The following LHPP variants were observed in gnomAD, a reference collection of about 807,000 sequenced individuals.
LHPP encodes the protein phospholysine phosphohistidine inorganic pyrophosphate phosphatase.
A neutral mutation model predicts 30.3 loss-of-function variants in LHPP; 24 were observed. The observed-to-expected ratio is 0.79, with a 90% confidence interval of 0.57 to 1.11. The LOEUF (loss-of-function observed/expected upper bound fraction) is 1.11. Ranked by LOEUF, LHPP falls within the 50% of genes most tolerant of loss-of-function variation. The pLI, the probability that LHPP is intolerant of heterozygous loss-of-function variation, is 0.00. For synonymous variants in LHPP, 150 were observed against 157.1 expected, an observed-to-expected ratio of 0.95 and a Z score of 0.34; for missense variants, 356 against 367.2, an observed-to-expected ratio of 0.97 and a Z score of 0.25.
intron 5 of LHPP, among the ~76,000 whole-genome samples, chr10:124,500,696 G>A (rs990582961): frequency 1.3e-5 from 2 of 151,304 alleles, no homozygotes; most frequent in Non-Finnish European, 2.9e-5. Context: ...ACTCCAGTGA[G>A]ATACCACTTC....
intron 1 of LHPP, among the ~76,000 whole-genome samples, chr10:124,464,039 G>A (rs541177753): frequency 6.6e-6 from 1 of 152,190 alleles, no homozygotes; most frequent in African/African-American, 2.4e-5. Flanking sequence ...GGCCGGTCTT[G>A]AACTCCTGGG....
At chr10:124,548,293 G>A (rs753430382) in intron 6 of LHPP, among the ~76,000 whole-genome samples, 4 of 152,070 alleles carry the variant, frequency 2.6e-5, no homozygotes, top group Non-Finnish European at 5.9e-5. Context: ...TCACCTTCAG[G>A]CTCCCGCATG....
At chr10:124,577,576 C>T (rs1432039483) in intron 6 of LHPP, among the ~76,000 whole-genome samples, 2 of 135,360 alleles carry the variant, frequency 1.5e-5, no homozygotes, top group Non-Finnish European at 3.3e-5. Flanking sequence ...AGGCCTGGCC[C>T]TGCCTTCCTC....
At chr10:124,526,898 G>T (rs755112959) in intron 6 of LHPP, among the ~76,000 whole-genome samples, 2 of 152,244 alleles carry the variant, frequency 1.3e-5, no homozygotes, top group Non-Finnish European at 2.9e-5. Context: ...TGGCCAGGCC[G>T]CAGCAAGCAG....
At chr10:124,565,353 G>A (rs185985825) in intron 6 of LHPP, among the ~76,000 whole-genome samples, 2 of 152,234 alleles carry the variant, frequency 1.3e-5, no homozygotes, top group African/African-American at 2.4e-5. Context: ...ACTGAGGGTC[G>A]AGAAATACAG....
intron 5 of LHPP, among the ~76,000 whole-genome samples, chr10:124,511,431 G>A (rs1954292172): frequency 6.6e-6 from 1 of 152,206 alleles, no homozygotes; most frequent in African/African-American, 2.4e-5. Context: ...GAAAATCCGT[G>A]GAAAGTATGA....
At chr10:124,601,034 TGGA>T (rs1949013951) in intron 6 of LHPP, among the ~76,000 whole-genome samples, 1 of 152,014 alleles carries the variant, frequency 6.6e-6, no homozygotes, top group African/African-American at 2.4e-5. Flanking sequence ...AGGCAAGGGT[TGGA>T]GGGAGGAAGG....
chr10:124,471,757 A>G (rs1434826951), intron 1 of LHPP, among the ~76,000 whole-genome samples: 3 of 129,780 alleles, frequency 2.3e-5, no homozygotes, highest in Non-Finnish European at 3.1e-5. Flanking sequence ...ATTTGTATAT[A>G]TATATATTTA....
rs777093333 is a variant in LHPP at position 124,488,479 on chromosome 10, C to T, written c.371C>T (p.Ala124Val). ...TCCAACCCAAACTGTGTGGTAATTGCAGACGCAGGAGAAAGCTTTTCTTAT... is the reference window on the plus strand; with the variant it reads ...TCCAACCCAAACTGTGTGGTAATTGTAGACGCAGGAGAAAGCTTTTCTTAT... ...DTSNPNCVVI[A>V]DAGESFSYQN... Residue 124 changes from alanine to valine, a missense_variant, in exon 3 of 7, where the codon GCA (alanine) becomes GTA (valine). Transcript: ENST00000368842. 6.2e-7 allele frequency: 1 copy of T among 1,613,886 alleles called. No individual in the cohort carries two copies. The highest frequency in any genetic ancestry group is 8.5e-7 in the Non-Finnish European group (1 of 1,179,884).
Position 124,592,437 on chromosome 10 carries a change from A to G in LHPP, c.717-20827A>G, listed in dbSNP as rs1389460722. Among the ~76,000 whole-genome samples the G allele has an allele frequency of 6.6e-6, 1 of 152,214 alleles. No homozygotes were observed. The highest frequency in any genetic ancestry group is 1.5e-5 in the Non-Finnish European group (1 of 68,030). On this transcript the variant is annotated intron_variant, in intron 6 of 6. Coordinates refer to ENST00000368842, the MANE Select transcript of LHPP (RefSeq NM_022126.4). The surrounding 1 kb of genome is among the most constrained non-coding windows in gnomAD (Gnocchi z 6.2). ...TTTGAGCTTTCATGATGAGACCCTG[A>G]GGTCACTGGCGGGGAAAATGAGTCA...
At chr10:124,500,983 G>T (rs1269474337) in intron 5 of LHPP, among the ~76,000 whole-genome samples, 1 of 151,734 alleles carries the variant, frequency 6.6e-6, no homozygotes, top group East Asian at 1.9e-4. Flanking sequence ...ATAGCCAAAA[G>T]GTAAAAAAAG....
chr10:124,587,738 TA>T (rs747954796), intron 6 of LHPP, among the ~76,000 whole-genome samples: 2,394 of 52,954 alleles, frequency 0.045, 23 homozygotes, highest in East Asian at 0.13. Context: ...AGACTCCATC[TA>T]AAAAAAAAAA....
rs77791099 is a variant in LHPP at position 124,496,717 on chromosome 10, C to T, written c.468-244C>T. Among the ~76,000 whole-genome samples the T allele has an allele frequency of 6.7e-4, 102 of 152,332 alleles. 2 individuals carry two copies. The East Asian group carries it at 0.017, about 26-fold the overall frequency. On this transcript the variant is annotated intron_variant, in intron 3 of 6. Transcript: ENST00000368842. The surrounding 1 kb of genome is among the most constrained non-coding windows in gnomAD (Gnocchi z 4.3). ...TCTGACAGCAGGGTTGCGTTCTGTG[C>T]GACCTGTGGCATCCCTGGAGCTGCT...
intron 4 of LHPP, 70 bp from the exon 5 acceptor site, chr10:124,497,966 G>A: frequency 8.0e-7 from 1 of 1,254,746 alleles, no homozygotes; most frequent in Non-Finnish European, 1.2e-6. Context: ...TTGGGACAGT[G>A]TTTCCGTGGC....
At chr10:124,539,786 C>T (rs1007507801) in intron 6 of LHPP, among the ~76,000 whole-genome samples, 2 of 147,724 alleles carry the variant, frequency 1.4e-5, no homozygotes, top group African/African-American at 5.0e-5. Context: ...CCTGTAGTCC[C>T]AGCTACTCAG....
intron 6 of LHPP, among the ~76,000 whole-genome samples, chr10:124,606,346 T>C (rs1314099131): frequency 2.0e-5 from 3 of 152,016 alleles, no homozygotes; most frequent in African/African-American, 7.3e-5. Flanking sequence ...TCCGGAAGCG[T>C]CCCTGCCCCG....
intron 6 of LHPP, among the ~76,000 whole-genome samples, chr10:124,567,327 C>T (rs1025342413): frequency 2.6e-5 from 4 of 152,242 alleles, no homozygotes; most frequent in Admixed American, 1.3e-4. Flanking sequence ...AACCAGGGAG[C>T]GAGTGCACGC....
chr10:124,603,858 C>T (rs910205934), intron 6 of LHPP, among the ~76,000 whole-genome samples: 4 of 152,210 alleles, frequency 2.6e-5, no homozygotes, highest in African/African-American at 4.8e-5. Flanking sequence ...TGGGAGGACA[C>T]GGGCCTGAGG....
At chr10:124,467,514 T>TTTTCC (rs1952587784) in intron 1 of LHPP, among the ~76,000 whole-genome samples, 1 of 148,820 alleles carries the variant, frequency 6.7e-6, no homozygotes, top group African/African-American at 2.5e-5. Context: ...CTTTCTTTTC[T>TTTTCC]TTTTCTTTTT....
Sources: gnomAD v4.1 joint callset for allele counts (sites outside exome capture counted in the v4.1 genomes callset) on GRCh38, gnomAD v4.1.1 for gene constraint, Gnocchi (gnomAD v3.1) non-coding constraint, MANE v1.5 for transcripts, NCBI Gene and HGNC (gene_info 2026-07-23, HGNC 2026-07-21) for gene names.